MARCHF5: variants seen among roughly 807,000 people sequenced by gnomAD.
MARCHF5 encodes membrane associated ring-CH-type finger 5, also known as E3 ubiquitin-protein ligase MARCHF5.
MARCHF5 carries 5 observed loss-of-function variants against 36.5 expected under a neutral mutation model. The observed-to-expected ratio is 0.14, with a 90% CI of 0.07 to 0.29. The LOEUF is 0.29. MARCHF5 is among the 10% of genes least tolerant of loss of function. MARCHF5 has a pLI of 1.00. For missense variants in MARCHF5, 179 were observed against 336.3 expected (o/e 0.53, Z 3.66); for synonymous variants, 103 against 109.9 (o/e 0.94, Z 0.39).
At chr10:92,329,383 T>C (rs566193928) in intron 2 of MARCHF5, among the ~76,000 whole-genome samples, 30 of 152,308 alleles carry the variant, frequency 2.0e-4, no homozygotes, top group South Asian at 6.2e-4. Flanking sequence ...GTAAGAATAC[T>C]TAGATTGTAA....
chr10:92,338,422 G>A (rs1019858351), intron 2 of MARCHF5, among the ~76,000 whole-genome samples: 2 of 152,136 alleles, frequency 1.3e-5, no homozygotes. Context: ...CTTTGGCACA[G>A]CACACAGTCT....
intron 1 of MARCHF5, among the ~76,000 whole-genome samples, chr10:92,310,212 G>C (rs1843127394): frequency 6.6e-6 from 1 of 152,144 alleles, no homozygotes; most frequent in Admixed American, 6.6e-5. Flanking sequence ...TAATTAAAAA[G>C]TGCACAGTAG....
chr10:92,318,641 G>GAAA (rs369470158), intron 2 of MARCHF5, among the ~76,000 whole-genome samples: 1 of 140,302 alleles, frequency 7.1e-6, no homozygotes, highest in Non-Finnish European at 1.6e-5. Context: ...AGAAAGAACG[G>GAAA]AAAAAAAAAA....
intron 5 of MARCHF5, 57 bp downstream of exon 5, chr10:92,349,894 G>A: frequency 7.0e-7 from 1 of 1,430,246 alleles, no homozygotes; most frequent in East Asian, 2.3e-5. Context: ...AAGTGTATTT[G>A]TTTTTAAAAG....
Position 92,291,362 on chromosome 10 carries a change from C to T in MARCHF5, c.-133C>T. On this transcript the variant is annotated 5_prime_UTR_variant, in exon 1 of 6. Coordinates refer to ENST00000358935, the MANE Select transcript of MARCHF5 (RefSeq NM_017824.5). ...CGCCGCCAGGCTAGCGGAGCTGCCC[C>T]GGGAAGCTGGGTGACGGGTTCGCGG... The T allele has an allele frequency of 4.9e-6, 4 of 813,108 alleles. No homozygotes were observed. Among genetic ancestry groups the T allele is most frequent in the South Asian group, 2.9e-5 (2 of 68,114 alleles). 50.4% of individuals were successfully genotyped at this position (813,108 alleles called of 1,614,324 possible). A position where few individuals can be genotyped will look rare whatever the true frequency, so the allele number is the denominator to read the frequency against.
chr10:92,294,626 G>T (rs1290560253), intron 1 of MARCHF5, among the ~76,000 whole-genome samples: 1 of 152,196 alleles, frequency 6.6e-6, no homozygotes, highest in African/African-American at 2.4e-5. Context: ...ATTTTTGAGG[G>T]ACAGAATTTA....
intron 3 of MARCHF5, among the ~76,000 whole-genome samples, chr10:92,342,637 A>C (rs976306944): frequency 1.3e-5 from 2 of 152,130 alleles, no homozygotes; most frequent in African/African-American, 4.8e-5. Context: ...CTGTCAATCC[A>C]TCCTTCCAAA....
At chr10:92,318,641 GAAAA>G (rs369470158) in intron 2 of MARCHF5, among the ~76,000 whole-genome samples, 1 of 140,302 alleles carries the variant, frequency 7.1e-6, no homozygotes, top group South Asian at 2.3e-4. Context: ...AGAAAGAACG[GAAAA>G]AAAAAAAACA....
intron 2 of MARCHF5, among the ~76,000 whole-genome samples, chr10:92,312,089 A>G (rs1404244231): frequency 6.6e-6 from 1 of 152,152 alleles, no homozygotes; most frequent in Non-Finnish European, 1.5e-5. Context: ...ACTGTAACCA[A>G]GAGGTATAGG....
chr10:92,310,988 GTTGT>G (rs1843138207), intron 1 of MARCHF5, 143 bp from the exon 2 acceptor site: 2 of 610,650 alleles, frequency 3.3e-6, no homozygotes, highest in Admixed American at 6.1e-5. Flanking sequence ...GAATGTATTG[GTTGT>G]TTTGTCTCCT....
intron 2 of MARCHF5, among the ~76,000 whole-genome samples, chr10:92,335,986 A>G (rs902244294): frequency 2.0e-5 from 3 of 152,246 alleles, no homozygotes; most frequent in Admixed American, 1.3e-4. Flanking sequence ...AACTTGGGGT[A>G]AATCAATGAT....
intron 2 of MARCHF5, among the ~76,000 whole-genome samples, chr10:92,336,379 A>G (rs1426214940): frequency 6.6e-6 from 1 of 152,196 alleles, no homozygotes; most frequent in Non-Finnish European, 1.5e-5. Flanking sequence ...ACCTTTCTGT[A>G]AAGAACCAGA....
At chr10:92,293,091 CTT>C (rs57441426) in intron 1 of MARCHF5, among the ~76,000 whole-genome samples, 3 of 152,004 alleles carry the variant, frequency 2.0e-5, no homozygotes, top group Admixed American at 2.0e-4. Context: ...TACATAGTGA[CTT>C]TTTTTCTTCT....
chr10:92,303,265 G>C (rs1843037060), intron 1 of MARCHF5, among the ~76,000 whole-genome samples: 1 of 152,144 alleles, frequency 6.6e-6, no homozygotes, highest in Non-Finnish European at 1.5e-5. Flanking sequence ...TTCCCAACTG[G>C]TTTGTAATAT....
chr10:92,300,054 A>C (rs939844431), intron 1 of MARCHF5, among the ~76,000 whole-genome samples: 1 of 152,012 alleles, frequency 6.6e-6, no homozygotes, highest in African/African-American at 2.4e-5. Context: ...CCAGCTACTC[A>C]GGAGGCTGAA....
chr10:92,311,397 A>G, intron 2 of MARCHF5, 60 bp downstream of exon 2: 1 of 1,198,696 alleles, frequency 8.3e-7, no homozygotes, highest in Non-Finnish European at 1.2e-6. Flanking sequence ...TAACTTTATA[A>G]GTTCATTTTA....
intron 2 of MARCHF5, among the ~76,000 whole-genome samples, chr10:92,313,347 G>T (rs1046290378): frequency 6.6e-6 from 1 of 152,122 alleles, no homozygotes; most frequent in Non-Finnish European, 1.5e-5. Context: ...GCTCACACCT[G>T]TAATCCCAGC....
At chr10:92,347,511 T>C (rs1476630544) in intron 3 of MARCHF5, among the ~76,000 whole-genome samples, 1 of 101,366 alleles carries the variant, frequency 9.9e-6, no homozygotes, top group African/African-American at 3.7e-5. Context: ...GATAGATAGA[T>C]AGATAGATAG....
intron 5 of MARCHF5, chr10:92,350,274 G>A (rs1843701625): frequency 6.4e-6 from 1 of 157,336 alleles, no homozygotes; most frequent in South Asian, 2.0e-4. Flanking sequence ...AAGCACTCAT[G>A]TTGTTTGCTA....
Sources: allele counts gnomAD v4.1 joint callset (sites outside exome capture counted in the v4.1 genomes callset), GRCh38; gene constraint gnomAD v4.1.1; transcripts MANE v1.5; gene names NCBI Gene and HGNC (gene_info 2026-07-23, HGNC 2026-07-21).